GNA11: variants seen among roughly 807,000 people sequenced by gnomAD.
GNA11 encodes G protein subunit alpha 11, also known as guanine nucleotide-binding protein subunit alpha-11.
In GNA11, 8 loss-of-function variants were observed where a neutral mutation model predicts 38.2. The ratio of observed to expected loss-of-function variants is 0.21; its 90% CI spans 0.12 to 0.38. The LOEUF is 0.38. GNA11 is among the 10% of genes least tolerant of loss of function. GNA11 has a pLI of 1.00. For synonymous variants in GNA11, 211 were observed against 221.4 expected, an observed-to-expected ratio of 0.95 and a Z score of 0.42; for missense variants, 268 against 516.3, an observed-to-expected ratio of 0.52 and a Z score of 4.66.
chr19:3,109,174 T>C (rs1175112052), intron 1 of GNA11, among the ~76,000 whole-genome samples: 1 of 152,200 alleles, frequency 6.6e-6, no homozygotes, highest in Non-Finnish European at 1.5e-5. Flanking sequence ...AAACCCAGCA[T>C]TGGCATCCCA....
rs754512444 is a variant in GNA11 at position 3,119,405 on chromosome 19, AC to A, written c.889+47del. On this transcript the variant is annotated intron_variant, in intron 6 of 6. Transcript: ENST00000078429. The surrounding 1 kb of genome is among the most constrained non-coding windows in gnomAD (Gnocchi z 4.6). ...GGGAGGGGCTCGCGGGCAGGGCCTT[AC>A]TGGGGGGAGGGGGCTGATATGGGAG... is the stretch of plus-strand genomic sequence containing the variant. 335 of 1,571,076 alleles carry A rather than the reference AC, an allele frequency of 2.1e-4. 2 individuals are homozygous for A. The South Asian group carries it at 2.5e-3, about 12-fold the overall frequency.
chr19:3,107,714 C>T (rs536609056), intron 1 of GNA11, among the ~76,000 whole-genome samples: 45 of 152,026 alleles, frequency 3.0e-4, no homozygotes, highest in South Asian at 1.7e-3. Flanking sequence ...GGTCACAATT[C>T]GGGGGGGTGC....
chr19:3,110,273 G>T lies in GNA11; in HGVS notation c.261G>T (p.Met87Ile). The change falls in exon 2 of 7, where the codon ATG becomes ATT. Residue 87 changes from methionine (M) to isoleucine (I), a missense_variant. By Grantham distance (10) the Met-to-Ile change is conservative (BLOSUM62 1). Coordinates refer to ENST00000078429, the MANE Select transcript of GNA11 (RefSeq NM_002067.5). The surrounding 1 kb of genome is among the most constrained non-coding windows in gnomAD (Gnocchi z 5.4). ...KLVYQNIFTA[M>I]QAMIRAMETL... ...TCTACCAGAACATCTTCACCGCCATGCAGGCCATGATCCGGGCCATGGAGA... is the reference window on the plus strand; with the variant it reads ...TCTACCAGAACATCTTCACCGCCATTCAGGCCATGATCCGGGCCATGGAGA... 1 of 1,614,054 alleles carries T rather than the reference G, an allele frequency of 6.2e-7. No individual in the cohort carries two copies. Among genetic ancestry groups the T allele is most frequent in the Non-Finnish European group, 8.5e-7 (1 of 1,179,950 alleles).
chr19:3,105,408 A>AGGG (rs1047534533), intron 1 of GNA11, among the ~76,000 whole-genome samples: 1 of 18,932 alleles, frequency 5.3e-5, no homozygotes, highest in African/African-American at 2.1e-4. Context: ...GTTGGGGGGA[A>AGGG]GGGGGGGTTG....
chr19:3,103,055 A>G lies in GNA11; in HGVS notation c.137-7094A>G, dbSNP rs879824733. ...CCTGGCTTCTCGGCCCACATCTCACAGTCTTGGGCACTGTGGGGCTCGGCT... is the reference window on the plus strand; with the variant it reads ...CCTGGCTTCTCGGCCCACATCTCACGGTCTTGGGCACTGTGGGGCTCGGCT... On this transcript the variant is annotated intron_variant, in intron 1 of 6. Coordinates refer to ENST00000078429, the MANE Select transcript of GNA11 (RefSeq NM_002067.5). 3.3e-5 allele frequency among the ~76,000 whole-genome samples: 5 copies of G among 152,052 alleles called. No individual in the cohort carries two copies. The South Asian group carries it at 8.3e-4, about 25-fold the overall frequency.
At chr19:3,114,015 C>G (rs1292521965) in intron 3 of GNA11, among the ~76,000 whole-genome samples, 2 of 152,130 alleles carry the variant, frequency 1.3e-5, no homozygotes, top group African/African-American at 2.4e-5. Flanking sequence ...AGGTGGAGGC[C>G]CCCGCGTGGC....
chr19:3,112,465 G>A (rs1913797970), intron 2 of GNA11, among the ~76,000 whole-genome samples: 1 of 152,156 alleles, frequency 6.6e-6, no homozygotes, highest in Non-Finnish European at 1.5e-5. Flanking sequence ...CAGTCCCTCA[G>A]CCAAACTGTG....
rs1366691067 is a variant in GNA11 at position 3,094,647 on chromosome 19, G to C, written c.-5G>C. On this transcript the variant is annotated 5_prime_UTR_variant, in exon 1 of 7. Transcript: ENST00000078429. The surrounding 1 kb of genome is among the most constrained non-coding windows in gnomAD (Gnocchi z 6.0). ...CAGGCGGCCGCGTCGGCCGGGGCCG[G>C]GACGATGACTCTGGAGTCCATGATG... 2.2e-6 allele frequency: 3 copies of C among 1,381,958 alleles called. No homozygotes were observed. The highest frequency in any genetic ancestry group is 5.8e-5 in the East Asian group (2 of 34,268). The allele number at this position is 1,381,958 out of a possible 1,614,324, so 85.6% of individuals were successfully genotyped here. A position where few individuals can be genotyped will look rare whatever the true frequency, so the allele number is the denominator to read the frequency against.
intron 1 of GNA11, among the ~76,000 whole-genome samples, chr19:3,095,312 C>A (rs1465625842): frequency 2.0e-5 from 3 of 152,250 alleles, no homozygotes; most frequent in Admixed American, 6.5e-5. Context: ...TGTTCCTTCT[C>A]AAGGGACCAG....
In GNA11 at chr19:3,114,830, C is replaced by G. The variant is rs555121772; in HGVS notation, c.477-114C>G. On this transcript the variant is annotated intron_variant, in intron 3 of 6. Transcript: ENST00000078429. ...AGACACTGCCGTAGGTGGCGCAGTG[C>G]GCGGTCCACCCCCTCCTGGTGGCTT... is the stretch of plus-strand genomic sequence containing the variant. 17 of 1,001,688 alleles carry G rather than the reference C, an allele frequency of 1.7e-5. No homozygotes were observed. In the South Asian group the frequency reaches 2.2e-4, roughly 13 times the overall value. The allele number at this position is 1,001,688 out of a possible 1,614,324, so 62.0% of individuals were successfully genotyped here. A position where few individuals can be genotyped will look rare whatever the true frequency, so the allele number is the denominator to read the frequency against.
chr19:3,120,816 G>A lies in GNA11; in HGVS notation c.890-173G>A, dbSNP rs1360961237. Among the ~76,000 whole-genome samples the A allele has an allele frequency of 6.6e-6, 1 of 152,102 alleles. No individual in the cohort carries two copies. Among genetic ancestry groups the A allele is most frequent in the African/African-American group, 2.4e-5 (1 of 41,428 alleles). ...GGGCTACAGTGGGATTGGCACCGCA[G>A]CTCACCTGGGGAGGGAGGGGAGCTG... On this transcript the variant is annotated intron_variant, in intron 6 of 6. Coordinates refer to ENST00000078429, the MANE Select transcript of GNA11 (RefSeq NM_002067.5). The surrounding 1 kb of genome is among the most constrained non-coding windows in gnomAD (Gnocchi z 5.9).
chr19:3,114,808 C>T (rs575999522), intron 3 of GNA11, 136 bp from the exon 4 acceptor site: 2 of 794,212 alleles, frequency 2.5e-6, no homozygotes, highest in African/African-American at 3.5e-5. Flanking sequence ...CTGCTTCAGA[C>T]ACTGCCGTAG....
intron 1 of GNA11, among the ~76,000 whole-genome samples, chr19:3,099,514 G>A (rs1293564035): frequency 2.0e-5 from 3 of 152,204 alleles, no homozygotes; most frequent in Non-Finnish European, 4.4e-5. Flanking sequence ...AGCTCCTGCC[G>A]CCAGGCCCTG....
intron 1 of GNA11, among the ~76,000 whole-genome samples, chr19:3,100,568 G>A (rs762626064): frequency 6.6e-6 from 1 of 152,198 alleles, no homozygotes; most frequent in South Asian, 2.1e-4. Flanking sequence ...TCTGGTGCAC[G>A]CCAGGGGTCT....
chr19:3,094,865 G>T lies in GNA11; in HGVS notation c.136+78G>T. On this transcript the variant is annotated intron_variant, in intron 1 of 6. Coordinates refer to ENST00000078429, the MANE Select transcript of GNA11 (RefSeq NM_002067.5). This position sits in a 1 kb window ranked among gnomAD's most constrained non-coding sequence, Gnocchi z 6.0. ...GCCCTGCCTGTCCGGGTCGGGCCGG[G>T]ACCCTCCGGGGTCAGCCCTGCCTGT... 8.7e-7 allele frequency: 1 copy of T among 1,154,814 alleles called. No homozygotes were observed. Among genetic ancestry groups the T allele is most frequent in the Non-Finnish European group, 1.2e-6 (1 of 869,486 alleles). 71.5% of individuals were successfully genotyped at this position (1,154,814 alleles called of 1,614,324 possible).
chr19:3,114,146 G>C (rs1913848854), intron 3 of GNA11, among the ~76,000 whole-genome samples: 1 of 152,190 alleles, frequency 6.6e-6, no homozygotes, highest in Non-Finnish European at 1.5e-5. Context: ...CCCGTCCTCT[G>C]TGTGTTCCCT....
Position 3,110,696 on chromosome 19 carries a change from C to T in GNA11, c.321+363C>T, listed in dbSNP as rs1031849121. Among the ~76,000 whole-genome samples, 1 of 152,240 alleles carries T rather than the reference C, an allele frequency of 6.6e-6. No individual in the cohort carries two copies. The highest frequency in any genetic ancestry group is 2.4e-5 in the African/African-American group (1 of 41,458). Reference sequence around the variant, plus strand: ...AGCAGCGTGAGCTCCTGGTTCCGGCCCCTTCCCCAGGCTGAGCAGCCTACC... The same window carrying T: ...AGCAGCGTGAGCTCCTGGTTCCGGCTCCTTCCCCAGGCTGAGCAGCCTACC... On this transcript the variant is annotated intron_variant, in intron 2 of 6. Transcript: ENST00000078429. The surrounding 1 kb of genome is among the most constrained non-coding windows in gnomAD (Gnocchi z 5.4).
At chr19:3,097,810 T>C (rs1913410490) in intron 1 of GNA11, among the ~76,000 whole-genome samples, 2 of 151,182 alleles carry the variant, frequency 1.3e-5, no homozygotes, top group South Asian at 4.3e-4. Flanking sequence ...CCTGTGCACA[T>C]TGGTCCGGGT....
intron 1 of GNA11, among the ~76,000 whole-genome samples, chr19:3,101,694 A>G (rs1489318846): frequency 1.3e-5 from 2 of 152,234 alleles, no homozygotes; most frequent in Middle Eastern, 3.4e-3. Context: ...AGTGCCCACA[A>G]CTGGGTTAGA....
Sources: gnomAD v4.1 joint callset for allele counts (sites outside exome capture counted in the v4.1 genomes callset) on GRCh38, gnomAD v4.1.1 for gene constraint, Gnocchi (gnomAD v3.1) non-coding constraint, MANE v1.5 for transcripts, NCBI Gene and HGNC (gene_info 2026-07-23, HGNC 2026-07-21) for gene names.